Variants in DNAJC27 observed in about 807,000 individuals in gnomAD.
DNAJC27 encodes dnaJ homolog subfamily C member 27.
DNAJC27 carries 25 observed loss-of-function variants against 31.4 expected under a neutral mutation model. The observed-to-expected ratio is 0.80, with a 90% CI of 0.58 to 1.11. The LOEUF is 1.11. Among genes scored for constraint, DNAJC27 ranks in the 50% most tolerant of loss-of-function variants. The pLI, the probability that DNAJC27 is intolerant of heterozygous loss-of-function variation, is 0.00. For synonymous variants in DNAJC27, 106 were observed against 112.7 expected, an observed-to-expected ratio of 0.94 and a Z score of 0.37; for missense variants, 356 against 347.3, an observed-to-expected ratio of 1.02 and a Z score of -0.20.
intron 2 of DNAJC27, among the ~76,000 whole-genome samples, chr2:24,966,693 G>A (rs1369145667): frequency 3.9e-5 from 6 of 152,116 alleles, no homozygotes; most frequent in African/African-American, 9.6e-5. Context: ...TCCTGACCTC[G>A]TTATCCGCCC....
At chr2:24,965,629 A>C (rs575200099) in intron 2 of DNAJC27, among the ~76,000 whole-genome samples, 2 of 152,286 alleles carry the variant, frequency 1.3e-5, no homozygotes, top group African/African-American at 4.8e-5. Flanking sequence ...CTTTAAAGAA[A>C]ATTTGCAGAA....
chr2:24,964,514 G>C (rs985381844), intron 2 of DNAJC27, among the ~76,000 whole-genome samples: 1 of 152,118 alleles, frequency 6.6e-6, no homozygotes, highest in Non-Finnish European at 1.5e-5. Flanking sequence ...AACAGGTAGA[G>C]AGGGAGAGAG....
At chr2:24,964,850 T>C (rs534566804) in intron 2 of DNAJC27, among the ~76,000 whole-genome samples, 2 of 152,332 alleles carry the variant, frequency 1.3e-5, no homozygotes, top group East Asian at 3.9e-4. Flanking sequence ...TAGGATGTCC[T>C]ACTATATCAC....
intron 6 of DNAJC27, among the ~76,000 whole-genome samples, chr2:24,951,090 T>C (rs373312745): frequency 3.3e-5 from 5 of 152,238 alleles, no homozygotes; most frequent in Middle Eastern, 3.2e-3. Context: ...CATTCTATGA[T>C]TGAAGAATTC....
chr2:24,951,120 A>G (rs1665764685), intron 6 of DNAJC27, among the ~76,000 whole-genome samples: 1 of 152,238 alleles, frequency 6.6e-6, no homozygotes, highest in African/African-American at 2.4e-5. Context: ...AGTTCTTTTC[A>G]AAGCTCTTCT....
At chr2:24,950,597 A>G (rs1016237529) in intron 6 of DNAJC27, among the ~76,000 whole-genome samples, 8 of 152,230 alleles carry the variant, frequency 5.3e-5, no homozygotes, top group African/African-American at 9.6e-5. Flanking sequence ...CCGTAATCCC[A>G]GTAGTTTGGG....
intron 1 of DNAJC27, among the ~76,000 whole-genome samples, chr2:24,967,712 A>G (rs72805435): frequency 2.8e-3 from 419 of 151,998 alleles, no homozygotes; most frequent in Non-Finnish European, 5.1e-3. Flanking sequence ...AAAAAAAAAA[A>G]AAGACAAAAC....
intron 5 of DNAJC27, among the ~76,000 whole-genome samples, 187 bp from the exon 6 acceptor site, chr2:24,951,741 T>C (rs1439242424): frequency 6.6e-6 from 1 of 152,086 alleles, no homozygotes; most frequent in Admixed American, 6.5e-5. Context: ...TATATTTTAA[T>C]ACACAAAAAG....
intron 1 of DNAJC27, among the ~76,000 whole-genome samples, chr2:24,970,299 AAAT>A (rs1666295900): frequency 1.3e-5 from 2 of 152,194 alleles, no homozygotes; most frequent in South Asian, 4.1e-4. Context: ...TATTATTAGC[AAAT>A]AATGTTAATT....
chr2:24,952,589 T>A (rs1232921959), intron 5 of DNAJC27, among the ~76,000 whole-genome samples: 1 of 152,188 alleles, frequency 6.6e-6, no homozygotes, highest in African/African-American at 2.4e-5. Context: ...AGTACACTTG[T>A]GGGGATACTG....
chr2:24,949,337 G>C (rs978498407), intron 6 of DNAJC27, among the ~76,000 whole-genome samples: 1 of 152,162 alleles, frequency 6.6e-6, no homozygotes, highest in African/African-American at 2.4e-5. Flanking sequence ...CCTGGGAAGG[G>C]CCCTTCCAGC....
chr2:24,954,794 G>A (rs547141292), intron 5 of DNAJC27, among the ~76,000 whole-genome samples: 116 of 152,198 alleles, frequency 7.6e-4, no homozygotes, highest in African/African-American at 2.5e-3. Context: ...AAAATTAGCC[G>A]GGCATGGTGG....
chr2:24,966,432 T>C (rs1018455315), intron 2 of DNAJC27, among the ~76,000 whole-genome samples: 3 of 152,156 alleles, frequency 2.0e-5, no homozygotes, highest in Non-Finnish European at 2.9e-5. Context: ...AAATCCCCAA[T>C]TGGACCCAAC....
chr2:24,966,494 T>C (rs975010204), intron 2 of DNAJC27, among the ~76,000 whole-genome samples: 1 of 152,188 alleles, frequency 6.6e-6, no homozygotes, highest in Non-Finnish European at 1.5e-5. Context: ...GAAGTCTCAC[T>C]GTCGCCCAGG....
chr2:24,956,278 A>G (rs1304085855), intron 5 of DNAJC27, among the ~76,000 whole-genome samples: 1 of 152,230 alleles, frequency 6.6e-6, no homozygotes, highest in East Asian at 1.9e-4. Flanking sequence ...AGAAAACTAC[A>G]TTATTCATGC....
chr2:24,966,656 AC>A (rs1228870933), intron 2 of DNAJC27, among the ~76,000 whole-genome samples: 1 of 151,958 alleles, frequency 6.6e-6, no homozygotes, highest in Non-Finnish European at 1.5e-5. Context: ...ACAGGGTTTC[AC>A]TGTGTTGGTC....
chr2:24,968,978 G>A (rs1433255178), intron 1 of DNAJC27: 1 of 159,796 alleles, frequency 6.3e-6, no homozygotes, highest in Non-Finnish European at 1.4e-5. Flanking sequence ...CTGGGAGGGA[G>A]GATTTGCTTG....
intron 1 of DNAJC27, among the ~76,000 whole-genome samples, chr2:24,970,770 A>G (rs917962223): frequency 4.6e-5 from 7 of 152,106 alleles, no homozygotes; most frequent in African/African-American, 1.7e-4. Flanking sequence ...AGAAAAAAAA[A>G]AACACCTCGT....
intron 2 of DNAJC27, among the ~76,000 whole-genome samples, chr2:24,965,290 C>T (rs931290250): frequency 6.6e-6 from 1 of 151,630 alleles, no homozygotes; most frequent in Non-Finnish European, 1.5e-5. Context: ...GAGTCTCACT[C>T]TGTTGCCCAG....
Sources: allele counts gnomAD v4.1 joint callset (sites outside exome capture counted in the v4.1 genomes callset), GRCh38; gene constraint gnomAD v4.1.1; transcripts MANE v1.5; gene names NCBI Gene and HGNC (gene_info 2026-07-23, HGNC 2026-07-21).